Variants in TG observed in about 807,000 individuals in gnomAD.
The protein encoded by TG is thyroglobulin.
A neutral mutation model predicts 324.7 loss-of-function variants in TG; 270 were observed. The observed-to-expected ratio is 0.83, with a 90% confidence interval of 0.75 to 0.92. TG has a LOEUF of 0.92. Ranked by LOEUF, TG falls within the 40% of genes least tolerant of loss-of-function variation. The probability of loss-of-function intolerance (pLI) is 0.00; values close to 1 mark genes in which losing one functional copy is unlikely to be tolerated. For missense variants in TG, 3,591 were observed against 3,456.4 expected, an observed-to-expected ratio of 1.04 and a Z score of -0.98; for synonymous variants, 1,401 against 1,327.0, an observed-to-expected ratio of 1.06 and a Z score of -1.21.
At chr8:133,115,206 AAGGCAATATCACCAAGGG>A (rs1201027654) in intron 44 of TG, among the ~76,000 whole-genome samples, 1 of 151,862 alleles carries the variant, frequency 6.6e-6, no homozygotes, top group Non-Finnish European at 1.5e-5. Context: ...AGACTGAGGG[AAGGCAATATCACCAAGGG>A]AGGCCTCACT....
At chr8:132,964,408 G>GAA (rs987555497) in intron 29 of TG, among the ~76,000 whole-genome samples, 2 of 152,034 alleles carry the variant, frequency 1.3e-5, no homozygotes, top group African/African-American at 4.8e-5. Context: ...AGTGCCTGGA[G>GAA]AAAAAAATCA....
intron 37 of TG, among the ~76,000 whole-genome samples, chr8:133,015,423 C>T (rs1304526676): frequency 6.6e-6 from 1 of 152,200 alleles, no homozygotes; most frequent in Non-Finnish European, 1.5e-5. Context: ...GTCACGTGGC[C>T]TCTGTGGGTA....
chr8:132,887,943 A>G (rs745672773), intron 9 of TG, 41 bp from the exon 10 acceptor site: 1 of 1,569,118 alleles, frequency 6.4e-7, no homozygotes, highest in Admixed American at 1.8e-5. Context: ...CAGTTTGTTA[A>G]ATTTCTTAAA....
chr8:132,932,866 A>G (rs1428003771), intron 23 of TG, among the ~76,000 whole-genome samples: 3 of 152,206 alleles, frequency 2.0e-5, no homozygotes, highest in Non-Finnish European at 4.4e-5. Context: ...TGTGATCTCA[A>G]TGGATACCTA....
chr8:132,919,831 C>A (rs1056389581), intron 21 of TG, among the ~76,000 whole-genome samples: 1 of 152,166 alleles, frequency 6.6e-6, no homozygotes. Flanking sequence ...ATCAAAGGGG[C>A]CGCCATCTTT....
At chr8:133,014,269 G>T (rs183263159) in intron 37 of TG, among the ~76,000 whole-genome samples, 1 of 152,298 alleles carries the variant, frequency 6.6e-6, no homozygotes, top group Middle Eastern at 3.4e-3. Flanking sequence ...CCTAACTATC[G>T]CATCTAAACA....
chr8:132,897,691 C>A lies in TG; in HGVS notation c.3044C>A (p.Ser1015Ter). Residue 1015 changes from serine to a stop codon, truncating the protein, a stop_gained, in exon 12 of 48, where the codon TCG (serine) becomes TAG (stop). Coordinates refer to ENST00000220616, the MANE Select transcript of TG (RefSeq NM_003235.5). LOFTEE classifies it high-confidence loss of function. ...AGACGCCGCTTTTCCCCGGACGACTCGGCTGGAGCATCCGCCCTTCTGCGG... is the reference window on the plus strand; with the variant it reads ...AGACGCCGCTTTTCCCCGGACGACTAGGCTGGAGCATCCGCCCTTCTGCGG... The part of the protein sequence containing the change: ...YQRRRFSPDD[S>*]AGASALLRSG... 6.2e-7 allele frequency: 1 copy of A among 1,614,222 alleles called. No homozygotes were observed. Among genetic ancestry groups the A allele is most frequent in the Non-Finnish European group, 8.5e-7 (1 of 1,180,044 alleles).
chr8:132,871,437 G>A lies in TG; in HGVS notation c.364G>A (p.Asp122Asn). Residue 122 changes from aspartate to asparagine, a missense_variant, in exon 4 of 48, where the codon GAT (aspartate) becomes AAT (asparagine). Asp to Asn is a conservative substitution (Grantham distance 23, BLOSUM62 1). Coordinates refer to ENST00000220616, the MANE Select transcript of TG (RefSeq NM_003235.5). ...CACCTCCTACCTCCCTCAGTGTCAG[G>A]ATTCAGGGGACTACGCGCCTGTTCA... ...TDTSYLPQCQ[D>N]SGDYAPVQCD... 1 of 1,614,212 alleles carries A rather than the reference G, an allele frequency of 6.2e-7. No homozygotes were observed. Among genetic ancestry groups the A allele is most frequent in the African/African-American group, 1.3e-5 (1 of 75,062 alleles).
rs1200144110 is a variant in TG, at chr8:133,116,655, G to T, written c.7801G>T (p.Ala2601Ser). Reference sequence around the variant, plus strand: ...TATAATCGACATGGCCAGTGCCTGGGCAAAGAGGGCCCGAGGAAACGTCTT... The same window carrying T: ...TATAATCGACATGGCCAGTGCCTGGTCAAAGAGGGCCCGAGGAAACGTCTT... ...CPIIDMASAW[A>S]KRARGNVFMY... The change falls in exon 45 of 48, where the codon GCA becomes TCA. Residue 2601 changes from alanine to serine, a missense_variant. Transcript: ENST00000220616. 2 of 1,614,126 alleles carry T rather than the reference G, an allele frequency of 1.2e-6. No homozygotes were observed. The highest frequency in any genetic ancestry group is 2.2e-5 in the East Asian group (1 of 44,896).
In TG at chr8:133,132,489, C is replaced by T. The variant is rs1388915686; in HGVS notation, c.7997+543C>T. Among the ~76,000 whole-genome samples the T allele has an allele frequency of 7.2e-5, 11 of 152,322 alleles. No individual in the cohort carries two copies. The East Asian group carries it at 2.1e-3, about 29-fold the overall frequency. ...TTGAGGCTCTTCCTCTCCTTGCCTG[C>T]CTGTACTCCAGTCCAATGAAGTATA... On this transcript the variant is annotated intron_variant, in intron 46 of 47. Transcript: ENST00000220616.
chr8:133,097,313 CTCCAGTT>C (rs1848573901), intron 43 of TG, among the ~76,000 whole-genome samples: 1 of 152,158 alleles, frequency 6.6e-6, no homozygotes, highest in African/African-American at 2.4e-5. Flanking sequence ...GCAATAAAAG[CTCCAGTT>C]TTACATGATA....
intron 8 of TG, among the ~76,000 whole-genome samples, chr8:132,885,954 A>T (rs2132153961): frequency 6.6e-6 from 1 of 152,166 alleles, no homozygotes; most frequent in South Asian, 2.1e-4. Context: ...ATCTTTGTTT[A>T]TTTACATGAC....
At chr8:133,011,393 G>A (rs1467870399) in intron 35 of TG, among the ~76,000 whole-genome samples, 1 of 142,498 alleles carries the variant, frequency 7.0e-6, no homozygotes, top group Non-Finnish European at 1.6e-5. Flanking sequence ...TGAGAGCCTT[G>A]GTCCTGCAGG....
chr8:133,008,646 C>T (rs1216807984), intron 35 of TG, among the ~76,000 whole-genome samples: 2 of 152,238 alleles, frequency 1.3e-5, no homozygotes, highest in African/African-American at 4.8e-5. Context: ...ACTCTGGGTT[C>T]TGTACCTGCA....
Position 132,887,492 on chromosome 8 carries a change from A to G in TG, c.2120A>G (p.Asp707Gly), listed in dbSNP as rs1472655637. The G allele has an allele frequency of 6.2e-7, 1 of 1,614,050 alleles. No individual in the cohort carries two copies. Among genetic ancestry groups the G allele is most frequent in the South Asian group, 1.1e-5 (1 of 91,086 alleles). ...QCFNSECYCVDAEGQAIPGTR... is the reference protein window; with the variant it reads ...QCFNSECYCVGAEGQAIPGTR... ...TTCAACTCAGAGTGCTACTGTGTTG[A>G]TGCTGAGGGTCAGGCCATTCCTGGA... Residue 707 changes from aspartate (D) to glycine (G), a missense_variant, in exon 9 of 48, where the codon GAT (aspartate) becomes GGT (glycine). Coordinates refer to ENST00000220616, the MANE Select transcript of TG (RefSeq NM_003235.5).
intron 5 of TG, among the ~76,000 whole-genome samples, chr8:132,874,710 A>G (rs922810251): frequency 9.9e-5 from 15 of 152,212 alleles, no homozygotes; most frequent in African/African-American, 3.6e-4. Context: ...GTTGAACCCC[A>G]TGAAATTTCT....
chr8:132,955,591 A>G (rs1348214601), intron 27 of TG, among the ~76,000 whole-genome samples: 1 of 152,212 alleles, frequency 6.6e-6, no homozygotes, highest in Non-Finnish European at 1.5e-5. Context: ...TATGAATCTG[A>G]CCAATAAATA....
intron 41 of TG, among the ~76,000 whole-genome samples, chr8:133,084,965 A>G (rs1165263447): frequency 1.3e-5 from 2 of 152,240 alleles, no homozygotes; most frequent in Non-Finnish European, 2.9e-5. Flanking sequence ...GTGATTTGGG[A>G]CAAAGTCATT....
intron 25 of TG, among the ~76,000 whole-genome samples, chr8:132,937,562 A>G (rs1823792370): frequency 6.6e-6 from 1 of 152,062 alleles, no homozygotes; most frequent in Non-Finnish European, 1.5e-5. Flanking sequence ...GACCAGGGTC[A>G]CTAGAATTTC....
Sources: gnomAD v4.1 joint callset for allele counts (sites outside exome capture counted in the v4.1 genomes callset) on GRCh38, gnomAD v4.1.1 for gene constraint, MANE v1.5 for transcripts, NCBI Gene and HGNC (gene_info 2026-07-23, HGNC 2026-07-21) for gene names.